Variants in RAP1GAP2 observed in about 807,000 individuals in gnomAD.
The protein encoded by RAP1GAP2 is rap1 GTPase-activating protein 2.
In RAP1GAP2, 27 loss-of-function variants were observed where a neutral mutation model predicts 95.0. The observed-to-expected ratio is 0.28, with a 90% CI of 0.21 to 0.39. The LOEUF (loss-of-function observed/expected upper bound fraction) is 0.39. RAP1GAP2 is among the 10% of genes least tolerant of loss of function. The pLI is 1.00. For synonymous variants in RAP1GAP2, 373 were observed against 380.9 expected (o/e 0.98, Z 0.24); for missense variants, 771 against 970.0 (o/e 0.79, Z 2.72).
At chr17:2,950,651 C>A (rs1459874919) in intron 3 of RAP1GAP2, among the ~76,000 whole-genome samples, 2 of 147,976 alleles carry the variant, frequency 1.4e-5, no homozygotes, top group South Asian at 2.2e-4. Flanking sequence ...TGCTCTGTCA[C>A]CCAGGCTGAA....
intron 21 of RAP1GAP2, 144 bp downstream of exon 21, chr17:3,026,608 T>C: frequency 2.5e-6 from 2 of 795,208 alleles, no homozygotes; most frequent in Non-Finnish European, 3.9e-6. Flanking sequence ...GGTGGGCTCG[T>C]TGGCCATCAC....
chr17:2,989,470 C>T (rs987287957), intron 11 of RAP1GAP2, among the ~76,000 whole-genome samples: 2 of 152,040 alleles, frequency 1.3e-5, no homozygotes, highest in Non-Finnish European at 2.9e-5. Context: ...GTAGCTGGGA[C>T]TACAGGCACG....
intron 16 of RAP1GAP2, 53 bp from the exon 17 acceptor site, chr17:3,007,958 C>T: frequency 1.3e-6 from 2 of 1,589,954 alleles, no homozygotes; most frequent in Non-Finnish European, 1.7e-6. Flanking sequence ...AAGGAGCAGG[C>T]ACATCTCTGC....
chr17:2,915,759 G>C (rs2042548097), intron 3 of RAP1GAP2, among the ~76,000 whole-genome samples: 1 of 151,976 alleles, frequency 6.6e-6, no homozygotes, highest in African/African-American at 2.4e-5. Context: ...GTGCAGTGGC[G>C]TGATCTCGGC....
intron 8 of RAP1GAP2, among the ~76,000 whole-genome samples, chr17:2,971,291 A>G (rs78581623): frequency 0.02 from 3,037 of 152,340 alleles, 106 homozygotes; most frequent in African/African-American, 0.068. Flanking sequence ...TACTTTCTTA[A>G]GTAGCTTTTA....
At chr17:2,806,568 T>C (rs1322353860) in intron 2 of RAP1GAP2, among the ~76,000 whole-genome samples, 2 of 148,646 alleles carry the variant, frequency 1.3e-5, no homozygotes, top group Non-Finnish European at 3.0e-5. Context: ...ACTTTTTGTA[T>C]TTTTTTTTAG....
At chr17:2,925,662 G>T (rs747897314) in intron 3 of RAP1GAP2, among the ~76,000 whole-genome samples, 1 of 152,196 alleles carries the variant, frequency 6.6e-6, no homozygotes, top group Non-Finnish European at 1.5e-5. Flanking sequence ...TCTAAGAGGA[G>T]GTTGATTCTG....
intron 4 of RAP1GAP2, among the ~76,000 whole-genome samples, chr17:2,961,272 T>C (rs1259210113): frequency 6.7e-6 from 1 of 149,440 alleles, no homozygotes; most frequent in Admixed American, 6.7e-5. Flanking sequence ...CCCAGCACTT[T>C]GGGAAGCCAA....
At chr17:2,955,961 G>T (rs1160946786) in intron 3 of RAP1GAP2, among the ~76,000 whole-genome samples, 1 of 152,206 alleles carries the variant, frequency 6.6e-6, no homozygotes, top group African/African-American at 2.4e-5. Flanking sequence ...TGTGCACATT[G>T]CAAGTGTGTT....
chr17:2,884,247 G>C (rs1300974929), intron 2 of RAP1GAP2, among the ~76,000 whole-genome samples: 1 of 152,180 alleles, frequency 6.6e-6, no homozygotes, highest in African/African-American at 2.4e-5. Context: ...AACGCTCGCT[G>C]TGGGGTGCAG....
At chr17:2,946,665 A>T (rs970162036) in intron 3 of RAP1GAP2, among the ~76,000 whole-genome samples, 1 of 152,228 alleles carries the variant, frequency 6.6e-6, no homozygotes, top group Non-Finnish European at 1.5e-5. Context: ...CAACATGATG[A>T]ACCCCATAGG....
At chr17:2,907,747 A>G (rs1440897991) in intron 3 of RAP1GAP2, among the ~76,000 whole-genome samples, 5 of 152,094 alleles carry the variant, frequency 3.3e-5, no homozygotes, top group South Asian at 4.1e-4. Flanking sequence ...CACCTGCACC[A>G]TTTGCGAGCC....
chr17:2,778,583 G>C (rs1298516449), intron 1 of RAP1GAP2, among the ~76,000 whole-genome samples: 1 of 152,100 alleles, frequency 6.6e-6, no homozygotes, highest in Non-Finnish European at 1.5e-5. Context: ...AGAATGACTT[G>C]AGCCTTGAGG....
At chr17:2,778,944 C>A (rs12945115) in intron 1 of RAP1GAP2, among the ~76,000 whole-genome samples, 35,460 of 152,204 alleles carry the variant, frequency 0.23, 4,295 homozygotes, top group East Asian at 0.31. Flanking sequence ...TAGCCCCATC[C>A]CCTGCCAGAC....
chr17:2,848,702 C>T (rs113301966), intron 2 of RAP1GAP2, among the ~76,000 whole-genome samples: 3,860 of 152,040 alleles, frequency 0.025, 161 homozygotes, highest in African/African-American at 0.087. Flanking sequence ...TTAGTAGAGA[C>T]GGGGTTTCAC....
intron 2 of RAP1GAP2, among the ~76,000 whole-genome samples, chr17:2,887,500 G>A (rs1486191463): frequency 1.3e-5 from 2 of 151,514 alleles, no homozygotes; most frequent in East Asian, 1.9e-4. Flanking sequence ...TTAGCCTCCC[G>A]AGTAGCTGGG....
At chr17:2,777,704 G>A (rs201282341) in intron 1 of RAP1GAP2, among the ~76,000 whole-genome samples, 2 of 152,162 alleles carry the variant, frequency 1.3e-5, no homozygotes, top group African/African-American at 4.8e-5. Context: ...AAACCTGAAG[G>A]GCACTTGTAT....
chr17:2,810,244 C>A (rs1259199333), intron 2 of RAP1GAP2, among the ~76,000 whole-genome samples: 1 of 152,062 alleles, frequency 6.6e-6, no homozygotes, highest in Non-Finnish European at 1.5e-5. Context: ...GAACCTAATC[C>A]CCGATGGCCT....
At chr17:2,815,933 TG>T (rs2069999677) in intron 2 of RAP1GAP2, among the ~76,000 whole-genome samples, 1 of 152,226 alleles carries the variant, frequency 6.6e-6, no homozygotes, top group South Asian at 2.1e-4. Flanking sequence ...AGCATCCCTG[TG>T]GTACATGCGT....
Sources: gnomAD v4.1 joint callset for allele counts (sites outside exome capture counted in the v4.1 genomes callset) on GRCh38, gnomAD v4.1.1 for gene constraint, MANE v1.5 for transcripts, NCBI Gene and HGNC (gene_info 2026-07-23, HGNC 2026-07-21) for gene names.